The following MARCO variants were observed in gnomAD, a reference collection of about 807,000 sequenced individuals.
MARCO encodes the protein macrophage receptor with collagenous structure, also known as macrophage receptor MARCO.
MARCO carries 72 observed loss-of-function variants against 70.0 expected under a neutral mutation model. That is an observed-to-expected ratio of 1.03 (90% CI 0.85 to 1.25). MARCO has a LOEUF of 1.25. Among genes scored for constraint, MARCO ranks in the 50% most tolerant of loss-of-function variants. MARCO has a pLI of 0.00. For missense variants in MARCO, 696 were observed against 659.3 expected (o/e 1.06, Z -0.61); for synonymous variants, 273 against 243.1 (o/e 1.12, Z -1.14).
At chr2:118,983,112 A>G (rs571590884) in intron 12 of MARCO, among the ~76,000 whole-genome samples, 9 of 152,276 alleles carry the variant, frequency 5.9e-5, no homozygotes, top group African/African-American at 2.2e-4. Flanking sequence ...TGATGTGGGC[A>G]CACTCTGATT....
At position 118,991,845 on chromosome 2, in the gene MARCO, G is replaced by T. The variant is rs1200060809; in HGVS notation, c.1177G>T (p.Ala393Ser). 1 of 1,601,038 alleles carries T rather than the reference G, an allele frequency of 6.2e-7. No individual in the cohort carries two copies. The highest frequency in any genetic ancestry group is 1.3e-5 in the African/African-American group (1 of 74,930). ...AGGTCCCAAGGGAGCCCCTGGACAA[G>T]CTGGCCAGAAGGGAGACCAGGGAGT... ...LAGPKGAPGQ[A>S]GQKGDQGVKG... Residue 393 changes from alanine (A) to serine (S), a missense_variant, in exon 14 of 17, where the codon GCT (alanine) becomes TCT (serine). By Grantham distance (99) the Ala-to-Ser change is moderately conservative. Coordinates refer to ENST00000327097, the MANE Select transcript of MARCO (RefSeq NM_006770.4).
intron 1 of MARCO, among the ~76,000 whole-genome samples, chr2:118,948,707 T>A (rs929403934): frequency 1.3e-5 from 2 of 152,232 alleles, no homozygotes; most frequent in African/African-American, 4.8e-5. Flanking sequence ...TTGGCTTAGT[T>A]GTTTTGATTA....
intron 12 of MARCO, among the ~76,000 whole-genome samples, chr2:118,986,652 A>AGAAAGAAAGAAGGAAG (rs1558671615): frequency 2.5e-4 from 12 of 48,422 alleles, no homozygotes; most frequent in African/African-American, 7.0e-4. Flanking sequence ...AAAGAAAGAA[A>AGAAAGAAAGAAGGAAG]GAAGGAAGGA....
intron 1 of MARCO, among the ~76,000 whole-genome samples, chr2:118,951,857 C>T (rs1434078431): frequency 6.6e-6 from 1 of 151,958 alleles, no homozygotes; most frequent in Admixed American, 6.6e-5. Context: ...CTGTCTCTTT[C>T]TCTCACTCTC....
chr2:118,950,196 AT>A (rs1679693449), intron 1 of MARCO, among the ~76,000 whole-genome samples: 2 of 152,344 alleles, frequency 1.3e-5, no homozygotes, highest in Admixed American at 6.5e-5. Context: ...GTTAAATTTA[AT>A]TTTAATAAAA....
At chr2:118,968,632 A>G (rs759373746) in intron 1 of MARCO, among the ~76,000 whole-genome samples, 2 of 152,176 alleles carry the variant, frequency 1.3e-5, no homozygotes, top group Non-Finnish European at 2.9e-5. Context: ...ATTTGATAAA[A>G]TATATCAAGC....
intron 12 of MARCO, among the ~76,000 whole-genome samples, chr2:118,986,597 G>GAAAGAAAA (rs1680492094): frequency 1.1e-4 from 1 of 9,018 alleles, no homozygotes; most frequent in Non-Finnish European, 2.0e-4. Context: ...AAGAAAGAAA[G>GAAAGAAAA]AAAGAAAGAA....
At chr2:118,948,431 A>G (rs1396715399) in intron 1 of MARCO, among the ~76,000 whole-genome samples, 1 of 152,236 alleles carries the variant, frequency 6.6e-6, no homozygotes, top group Non-Finnish European at 1.5e-5. Context: ...AAGCAATAAC[A>G]TTTCCAAATA....
intron 13 of MARCO, 119 bp from the exon 14 acceptor site, chr2:118,991,658 C>T: frequency 1.7e-6 from 1 of 597,198 alleles, no homozygotes; most frequent in South Asian, 2.3e-5. Flanking sequence ...TTCAGATAGC[C>T]CAGCCATGGG....
intron 6 of MARCO, among the ~76,000 whole-genome samples, chr2:118,976,540 C>T (rs1247527571): frequency 6.6e-6 from 1 of 152,114 alleles, no homozygotes; most frequent in African/African-American, 2.4e-5. Context: ...CTGCCCCTGC[C>T]CCAGGAACAC....
chr2:118,949,392 T>G (rs900299684), intron 1 of MARCO: 4 of 152,198 alleles, frequency 2.6e-5, no homozygotes, highest in African/African-American at 9.7e-5. Context: ...TTGCCATAGG[T>G]CTCCTATTTC....
chr2:118,984,374 A>G (rs13389814), intron 12 of MARCO, among the ~76,000 whole-genome samples: 15,620 of 152,234 alleles, frequency 0.1, 2,302 homozygotes, highest in African/African-American at 0.33. Flanking sequence ...TTTCATCCTC[A>G]TCGAGACCTT....
rs747215021 is a variant in MARCO at position 118,970,240 on chromosome 2, G to T, written c.326G>T (p.Gly109Val). ...SAHPGEHLAQ[G>V]ASRLQVLQAQ... ...CACCCTGGAGAACACCTGGCTCAGG[G>T]TGCATCGAGGCTGCAAGTCCTGCAG... The change falls in exon 3 of 17, where the codon GGT becomes GTT. Residue 109 changes from glycine (G) to valine (V), a missense_variant. Physicochemically the swap from Gly to Val is moderately radical, Grantham distance 109. This residue lies in a region of MARCO where 605 missense variants were observed against 537.6 expected (regional missense o/e 1.13). Coordinates refer to ENST00000327097, the MANE Select transcript of MARCO (RefSeq NM_006770.4). The T allele has an allele frequency of 6.2e-7, 1 of 1,614,064 alleles. No homozygotes were observed. The highest frequency in any genetic ancestry group is 1.7e-5 in the Admixed American group (1 of 60,024).
chr2:118,945,466 G>T (rs905124823), intron 1 of MARCO, among the ~76,000 whole-genome samples: 1 of 148,558 alleles, frequency 6.7e-6, no homozygotes, highest in Non-Finnish European at 1.5e-5. Flanking sequence ...ATGCTGGAGT[G>T]CAGGGGAGCG....
intron 1 of MARCO, among the ~76,000 whole-genome samples, chr2:118,957,517 A>G (rs1679860749): frequency 6.6e-6 from 1 of 151,934 alleles, no homozygotes; most frequent in African/African-American, 2.4e-5. Context: ...CCCAAAAACA[A>G]ACAAACAAAC....
At chr2:118,966,661 A>T (rs1316955222) in intron 1 of MARCO, among the ~76,000 whole-genome samples, 1 of 152,166 alleles carries the variant, frequency 6.6e-6, no homozygotes, top group Non-Finnish European at 1.5e-5. Flanking sequence ...CATGCCTTCC[A>T]CCACGCTCTG....
At chr2:118,948,856 A>G (rs144836286) in intron 1 of MARCO, among the ~76,000 whole-genome samples, 136 of 152,284 alleles carry the variant, frequency 8.9e-4, no homozygotes, top group African/African-American at 3.1e-3. Flanking sequence ...AGTAAAAGGG[A>G]TAGGCAATTG....
chr2:118,990,921 C>T (rs1193978726), intron 13 of MARCO, among the ~76,000 whole-genome samples: 1 of 152,192 alleles, frequency 6.6e-6, no homozygotes, highest in African/African-American at 2.4e-5. Context: ...GGGGTGCAGG[C>T]AGAGGCTCCA....
At chr2:118,957,756 T>G (rs2104559830) in intron 1 of MARCO, among the ~76,000 whole-genome samples, 1 of 152,214 alleles carries the variant, frequency 6.6e-6, no homozygotes, top group South Asian at 2.1e-4. Flanking sequence ...GTGAAAATCC[T>G]TAACAAAATA....
Sources: gnomAD v4.1 joint callset for allele counts (sites outside exome capture counted in the v4.1 genomes callset) on GRCh38, gnomAD v4.1.1 for gene constraint, gnomAD v4.1.1 regional missense constraint, MANE v1.5 for transcripts, NCBI Gene and HGNC (gene_info 2026-07-23, HGNC 2026-07-21) for gene names.